Variants in ZNF423 observed in about 807,000 individuals in gnomAD.
ZNF423 encodes the protein Ebf-associated zinc finger protein.
A neutral mutation model predicts 95.8 loss-of-function variants in ZNF423; 12 were observed. The ratio of observed to expected loss-of-function variants is 0.13; its 90% CI spans 0.08 to 0.20. ZNF423 has a LOEUF of 0.20. ZNF423 is among the 10% of genes least tolerant of loss of function. The pLI, the probability that ZNF423 is intolerant of heterozygous loss-of-function variation, is 1.00. For missense variants in ZNF423, 1,316 were observed against 1,737.1 expected, an observed-to-expected ratio of 0.76 and a Z score of 4.31; for synonymous variants, 749 against 711.9, an observed-to-expected ratio of 1.05 and a Z score of -0.83.
intron 7 of ZNF423, among the ~76,000 whole-genome samples, chr16:49,519,082 T>G (rs1279659270): frequency 6.6e-6 from 1 of 152,100 alleles, no homozygotes; most frequent in Non-Finnish European, 1.5e-5. Flanking sequence ...CAAAACAAGA[T>G]TCATTCACAT....
intron 5 of ZNF423, among the ~76,000 whole-genome samples, chr16:49,568,239 C>CA (rs2151781933): frequency 6.6e-6 from 1 of 152,308 alleles, no homozygotes; most frequent in South Asian, 2.1e-4. Flanking sequence ...AAGGACTCTC[C>CA]TGTCATGGAA....
chr16:49,523,729 C>T lies in ZNF423; in HGVS notation c.3744G>A (p.Gln1248=). 1.2e-6 allele frequency: 2 copies of T among 1,613,438 alleles called. No individual in the cohort carries two copies. Among genetic ancestry groups the T allele is most frequent in the Non-Finnish European group, 1.7e-6 (2 of 1,180,010 alleles). The change falls in exon 7 of 8, where the codon CAG becomes CAA. Residue 1248 remains glutamine, a synonymous_variant. Transcript: ENST00000563137. ...KCPVCFTVFV[Q]ANKLQQHIFA... Reference sequence around the variant, plus strand: ...AGATGTGCTGCTGCAACTTGTTGGCCTGGACGAAGACTAGACACAGACACG... The same window carrying T: ...AGATGTGCTGCTGCAACTTGTTGGCTTGGACGAAGACTAGACACAGACACG...
intron 7 of ZNF423, among the ~76,000 whole-genome samples, chr16:49,501,004 C>T (rs919636231): frequency 2.0e-5 from 3 of 152,140 alleles, no homozygotes; most frequent in African/African-American, 4.8e-5. Flanking sequence ...AGATCATGCA[C>T]GTGAAGCAGT....
chr16:49,494,888 C>T (rs182134265), intron 7 of ZNF423, among the ~76,000 whole-genome samples: 1 of 152,256 alleles, frequency 6.6e-6, no homozygotes, highest in Admixed American at 6.5e-5. Context: ...TTAAAGAGTT[C>T]TTTCCATCCA....
At chr16:49,582,903 C>T (rs1970714993) in intron 5 of ZNF423, among the ~76,000 whole-genome samples, 1 of 152,204 alleles carries the variant, frequency 6.6e-6, no homozygotes, top group South Asian at 2.1e-4. Flanking sequence ...TTTTATCACA[C>T]AACTTTCTAA....
chr16:49,529,952 C>A (rs900020072), intron 5 of ZNF423, among the ~76,000 whole-genome samples: 1 of 152,118 alleles, frequency 6.6e-6, no homozygotes, highest in South Asian at 2.1e-4. Flanking sequence ...AATGCACACA[C>A]CTGTCTAGGA....
chr16:49,733,157 T>C (rs1481141514), intron 2 of ZNF423, among the ~76,000 whole-genome samples: 4 of 152,018 alleles, frequency 2.6e-5, no homozygotes, highest in East Asian at 3.9e-4. Flanking sequence ...CATACAACCA[T>C]GGTTACACAG....
chr16:49,854,096 C>T (rs1044939066), intron 1 of ZNF423: 1 of 985,184 alleles, frequency 1.0e-6, no homozygotes, highest in Admixed American at 6.2e-5. Flanking sequence ...CCTTCTTTCC[C>T]GTCCTCTTCT....
At chr16:49,689,570 G>A (rs968053178) in intron 3 of ZNF423, among the ~76,000 whole-genome samples, 1 of 152,004 alleles carries the variant, frequency 6.6e-6, no homozygotes, top group African/African-American at 2.4e-5. Context: ...GAGGTCGAGG[G>A]GTGTCACAGT....
intron 2 of ZNF423, among the ~76,000 whole-genome samples, chr16:49,771,757 G>A (rs1229702038): frequency 1.3e-5 from 2 of 152,174 alleles, no homozygotes; most frequent in Non-Finnish European, 2.9e-5. Flanking sequence ...CAGCCATGTG[G>A]AACTGTAAGG....
Position 49,637,748 on chromosome 16 carries a change from G to A in ZNF423, c.1428C>T (p.Ala476=). ...EHVRKLHKNH[A]YPVMQFGNIS... ...TGTTGCCAAACTGCATCACAGGGTA[G>A]GCATGGTTCTTGTGCAGCTTGCGAA... Residue 476 remains alanine, a synonymous_variant, in exon 4 of 8, where the codon GCC becomes GCT. Transcript: ENST00000563137. This position sits in a 1 kb window ranked among gnomAD's most constrained non-coding sequence, Gnocchi z 5.6. 6.2e-7 allele frequency: 1 copy of A among 1,614,134 alleles called. No individual in the cohort carries two copies.
At chr16:49,803,989 G>A (rs2034622305) in intron 1 of ZNF423, among the ~76,000 whole-genome samples, 2 of 146,532 alleles carry the variant, frequency 1.4e-5, no homozygotes, top group Non-Finnish European at 3.0e-5. Context: ...AGGCTGGAGT[G>A]CAGTGGTGAG....
intron 5 of ZNF423, among the ~76,000 whole-genome samples, chr16:49,578,426 GT>G (rs1252245895): frequency 2.0e-5 from 3 of 151,658 alleles, no homozygotes; most frequent in African/African-American, 7.3e-5. Flanking sequence ...GGGCTTTGGG[GT>G]TTTTTAGCCT....
chr16:49,679,380 G>C (rs955121228), intron 3 of ZNF423, among the ~76,000 whole-genome samples: 3 of 152,234 alleles, frequency 2.0e-5, no homozygotes, highest in Non-Finnish European at 4.4e-5. Context: ...CTAGCTCTTG[G>C]GAGCCTGGGA....
intron 3 of ZNF423, among the ~76,000 whole-genome samples, chr16:49,648,669 GAA>G (rs71380367): frequency 0.075 from 11,108 of 148,022 alleles, 458 homozygotes; most frequent in African/African-American, 0.11. Context: ...AAAGAAAAAA[GAA>G]AAAAAAAACT....
At chr16:49,597,648 G>A (rs2151826181) in intron 5 of ZNF423, among the ~76,000 whole-genome samples, 1 of 152,148 alleles carries the variant, frequency 6.6e-6, no homozygotes, top group Non-Finnish European at 1.5e-5. Context: ...CCTGCCTGGT[G>A]TCCATGCATG....
At chr16:49,823,532 A>T in intron 1 of ZNF423, among the ~76,000 whole-genome samples, 1 of 152,178 alleles carries the variant, frequency 6.6e-6, no homozygotes, top group East Asian at 1.9e-4. Flanking sequence ...CCAGAGTCCT[A>T]TGCTGCCCTT....
At chr16:49,594,186 C>A (rs867098943) in intron 5 of ZNF423, among the ~76,000 whole-genome samples, 1 of 152,102 alleles carries the variant, frequency 6.6e-6, no homozygotes, top group Non-Finnish European at 1.5e-5. Context: ...CCAGATTGTG[C>A]AGGGTGTTAG....
At chr16:49,801,240 T>C (rs1037287518) in intron 1 of ZNF423, among the ~76,000 whole-genome samples, 6 of 152,198 alleles carry the variant, frequency 3.9e-5, no homozygotes, top group Non-Finnish European at 8.8e-5. Flanking sequence ...GACGCCAGCC[T>C]GGCCCAGGTC....
Sources: allele counts gnomAD v4.1 joint callset (sites outside exome capture counted in the v4.1 genomes callset), GRCh38; gene constraint gnomAD v4.1.1; non-coding constraint Gnocchi (gnomAD v3.1); transcripts MANE v1.5; gene names NCBI Gene and HGNC (gene_info 2026-07-23, HGNC 2026-07-21).